Variants in FOXRED1 observed in about 807,000 individuals in gnomAD.
FOXRED1 encodes FAD dependent oxidoreductase domain containing 1.
In FOXRED1, 52 loss-of-function variants were observed where a neutral mutation model predicts 57.8. The ratio of observed to expected loss-of-function variants is 0.90; its 90% CI spans 0.72 to 1.13. The LOEUF is 1.13. FOXRED1 is among the 50% of genes most tolerant of loss of function. FOXRED1 has a pLI of 0.00. For missense variants in FOXRED1, 589 were observed against 625.2 expected (o/e 0.94, Z 0.62); for synonymous variants, 271 against 248.3 (o/e 1.09, Z -0.86).
At position 126,276,477 on chromosome 11, in the gene FOXRED1, G is replaced by A. The variant is rs138486791; in HGVS notation, c.1055G>A (p.Arg352Gln). ...GACACCAGTGGAGCCTATTTTCGCC[G>A]GGAAGGATTAGGTAGCAACTACCTA... ...VADTSGAYFR[R>Q]EGLGSNYLGG... The change falls in exon 9 of 11, where the codon CGG (arginine) becomes CAG (glutamine). Residue 352 changes from arginine (R) to glutamine (Q), a missense_variant. Coordinates refer to ENST00000263578, the MANE Select transcript of FOXRED1 (RefSeq NM_017547.4). 18 of 1,608,850 alleles carry A rather than the reference G, an allele frequency of 1.1e-5. No homozygotes were observed. The South Asian group carries it at 1.2e-4, about 11-fold the overall frequency.
At position 126,277,530 on chromosome 11, in the gene FOXRED1, T is replaced by G; in HGVS notation, c.1302T>G (p.Ala434=). 6.2e-7 allele frequency: 1 copy of G among 1,613,772 alleles called. No individual in the cohort carries two copies. The highest frequency in any genetic ancestry group is 8.5e-7 in the Non-Finnish European group (1 of 1,180,016). The change falls in exon 11 of 11, where the codon GCT becomes GCG. Residue 434 remains alanine (A), a synonymous_variant. Transcript: ENST00000263578. This position sits in a 1 kb window ranked among gnomAD's most constrained non-coding sequence, Gnocchi z 6.8. ...CGCTAGTTGTCAACATGTACTTTGC[T>G]ACTGGCTTCAGTGGTCACGGGCTCC... ...PHPLVVNMYF[A]TGFSGHGLQQ... is the part of the protein sequence containing the mutation.
At position 126,277,497 on chromosome 11, in the gene FOXRED1, C is replaced by T. The variant is rs1268156595; in HGVS notation, c.1269C>T (p.Gly423=). The change falls in exon 11 of 11, where the codon GGC becomes GGT. Residue 423 remains glycine, a synonymous_variant. Transcript: ENST00000263578. The surrounding 1 kb of genome is among the most constrained non-coding windows in gnomAD (Gnocchi z 6.8). Reference sequence around the variant, plus strand: ...CCTTTGACCAGAATGGCGTGGTGGGCCCCCACCCGCTAGTTGTCAACATGT... The same window carrying T: ...CCTTTGACCAGAATGGCGTGGTGGGTCCCCACCCGCTAGTTGTCAACATGT... The part of the protein sequence containing the change: ...YNTFDQNGVV[G]PHPLVVNMYF... The T allele has an allele frequency of 6.2e-7, 1 of 1,613,408 alleles. No homozygotes were observed. The highest frequency in any genetic ancestry group is 2.2e-5 in the East Asian group (1 of 44,872).
rs1951026938 is a variant in FOXRED1 at position 126,272,891 on chromosome 11, C to T, written c.307-78C>T. On this transcript the variant is annotated intron_variant, in intron 2 of 10. Coordinates refer to ENST00000263578, the MANE Select transcript of FOXRED1 (RefSeq NM_017547.4). This position sits in a 1 kb window ranked among gnomAD's most constrained non-coding sequence, Gnocchi z 4.6. ...CTCCCCTTCAACTTTAGGTGTATAGCTCGAAGCTTTCATTGCAGTATTCTA... is the reference window on the plus strand; with the variant it reads ...CTCCCCTTCAACTTTAGGTGTATAGTTCGAAGCTTTCATTGCAGTATTCTA... 1 of 809,748 alleles carries T rather than the reference C, an allele frequency of 1.2e-6. No homozygotes were observed. The highest frequency in any genetic ancestry group is 1.3e-5 in the South Asian group (1 of 74,434). The allele number at this position is 809,748 out of a possible 1,614,324, so 50.2% of individuals were successfully genotyped here. A position where few individuals can be genotyped will look rare whatever the true frequency, so the allele number is the denominator to read the frequency against.
At position 126,273,449 on chromosome 11, in the gene FOXRED1, G is replaced by A. The variant is rs1483526699; in HGVS notation, c.531G>A (p.Val177=). The change falls in exon 4 of 11, where the codon GTG becomes GTA. Residue 177 remains valine (V), a synonymous_variant. Coordinates refer to ENST00000263578, the MANE Select transcript of FOXRED1 (RefSeq NM_017547.4). This position sits in a 1 kb window ranked among gnomAD's most constrained non-coding sequence, Gnocchi z 5.9. ...DAAAMESNVK[V]QRQEGAKVSL... Reference sequence around the variant, plus strand: ...CAGCCATGGAGAGCAACGTGAAAGTGCAGAGGTGGGTGCCTGGCACAGCCT... The same window carrying A: ...CAGCCATGGAGAGCAACGTGAAAGTACAGAGGTGGGTGCCTGGCACAGCCT... 9 of 1,607,842 alleles carry A rather than the reference G, an allele frequency of 5.6e-6. No individual in the cohort carries two copies. Among genetic ancestry groups the A allele is most frequent in the Admixed American group, 1.7e-5 (1 of 59,998 alleles).
In FOXRED1 at chr11:126,275,145, G is replaced by A. The variant is rs1951094481; in HGVS notation, c.631+124G>A. On this transcript the variant is annotated intron_variant, in intron 5 of 10. Transcript: ENST00000263578. The surrounding 1 kb of genome is among the most constrained non-coding windows in gnomAD (Gnocchi z 5.9). The stretch of plus-strand genomic sequence containing the variant: ...GAGGAACACTTCCCTCCTGTGTCAC[G>A]GGAACTGCCCTGGGCCGTGGTAGTT... 2.4e-6 allele frequency: 2 copies of A among 826,486 alleles called. No homozygotes were observed. Among genetic ancestry groups the A allele is most frequent in the East Asian group, 5.2e-5 (2 of 38,574 alleles). The allele number at this position is 826,486 out of a possible 1,614,324, so 51.2% of individuals were successfully genotyped here.
In FOXRED1 at chr11:126,273,184, C is replaced by A; in HGVS notation, c.417+105C>A. 1.0e-6 allele frequency: 1 copy of A among 961,502 alleles called. No homozygotes were observed. The highest frequency in any genetic ancestry group is 1.7e-6 in the Non-Finnish European group (1 of 585,158). 59.6% of individuals were successfully genotyped at this position (961,502 alleles called of 1,614,324 possible). A position where few individuals can be genotyped will look rare whatever the true frequency, so the allele number is the denominator to read the frequency against. ...TAGCCAGAGAGCAAGAATGGGTCAG[C>A]CAACTAGGAGAGGGGGGCCCTGGCC... On this transcript the variant is annotated intron_variant, in intron 3 of 10. Transcript: ENST00000263578. This position sits in a 1 kb window ranked among gnomAD's most constrained non-coding sequence, Gnocchi z 5.9.
Position 126,275,019 on chromosome 11 carries a change from A to G in FOXRED1, c.629A>G (p.Tyr210Cys). Reference sequence around the variant, plus strand: ...ACAGAGGGAGTGGCTTTGGCGTCTTATGGTGAGGCTTGCTTGCAGAGGGGA... The same window carrying G: ...ACAGAGGGAGTGGCTTTGGCGTCTTGTGGTGAGGCTTGCTTGCAGAGGGGA... ...INTEGVALAS[Y>C]GMEDEGWFDP... The change falls in exon 5 of 11, where the codon TAT becomes TGT. Residue 210 changes from tyrosine to cysteine, a missense_variant and splice_region_variant. By Grantham distance (194) the Tyr-to-Cys change is radical. Transcript: ENST00000263578. This position sits in a 1 kb window ranked among gnomAD's most constrained non-coding sequence, Gnocchi z 5.9. 1 of 1,605,340 alleles carries G rather than the reference A, an allele frequency of 6.2e-7. No homozygotes were observed. Among genetic ancestry groups the G allele is most frequent in the Non-Finnish European group, 8.5e-7 (1 of 1,172,002 alleles).
Position 126,271,836 on chromosome 11 carries a change from C to G in FOXRED1, c.306+179C>G. The G allele has an allele frequency of 1.6e-6, 1 of 640,464 alleles. No homozygotes were observed. Among genetic ancestry groups the G allele is most frequent in the Non-Finnish European group, 2.8e-6 (1 of 353,988 alleles). 39.7% of individuals were successfully genotyped at this position (640,464 alleles called of 1,614,324 possible). On this transcript the variant is annotated intron_variant, in intron 2 of 10. Transcript: ENST00000263578. The surrounding 1 kb of genome is among the most constrained non-coding windows in gnomAD (Gnocchi z 5.3). ...TTTCCTAGGATCTTCCTCAGTCGAACCAGGAAGCTTGGCAATAAGGTTTGT... is the reference window on the plus strand; with the variant it reads ...TTTCCTAGGATCTTCCTCAGTCGAAGCAGGAAGCTTGGCAATAAGGTTTGT...
Position 126,275,443 on chromosome 11 carries a change from G to A in FOXRED1, c.733+15G>A, listed in dbSNP as rs781587260. ...AGAGGTGACACGTGAGTCTGAGCTT[G>A]TTTCCTCTAGCAACCGGGGCATAGG... is the stretch of plus-strand genomic sequence containing the variant. On this transcript the variant is annotated intron_variant, in intron 6 of 10. Coordinates refer to ENST00000263578, the MANE Select transcript of FOXRED1 (RefSeq NM_017547.4). This position sits in a 1 kb window ranked among gnomAD's most constrained non-coding sequence, Gnocchi z 5.9. 1.9e-5 allele frequency: 29 copies of A among 1,547,010 alleles called. No homozygotes were observed. In the Middle Eastern group the frequency reaches 5.1e-4, roughly 27 times the overall value.
At position 126,269,341 on chromosome 11, in the gene FOXRED1, C is replaced by G. The variant is rs776915158; in HGVS notation, c.85+50C>G. 2.5e-6 allele frequency: 4 copies of G among 1,613,690 alleles called. No individual in the cohort carries two copies. In the Admixed American group the frequency reaches 6.7e-5, roughly 27 times the overall value. On this transcript the variant is annotated intron_variant, in intron 1 of 10. Transcript: ENST00000263578. ...ATTGTGGTTCTGGGTTGTCCCCAAC[C>G]TCCGACTGTGTGTCCTTCAGGACCC...
rs546801411 is a variant in FOXRED1, at chr11:126,276,100, C to A, written c.852C>A (p.Cys284Ter). The A allele has an allele frequency of 1.2e-6, 2 of 1,612,778 alleles. No homozygotes were observed. The highest frequency in any genetic ancestry group is 1.7e-5 in the Admixed American group (1 of 59,994). The change falls in exon 8 of 11, where the codon TGC becomes TGA. Residue 284 changes from cysteine (C) to a stop codon, truncating the protein, a stop_gained. Coordinates refer to ENST00000263578, the MANE Select transcript of FOXRED1 (RefSeq NM_017547.4). LOFTEE classifies it high-confidence loss of function. Reference protein sequence around the residue: ...DRSLEYQPVECAIVINAAGAW... With the variant: ...DRSLEYQPVE ...GCCTGGAGTACCAGCCTGTGGAATG[C>A]GCCATTGTGATCAACGCAGCCGGAG... is the stretch of plus-strand genomic sequence containing the variant.
At position 126,277,517 on chromosome 11, in the gene FOXRED1, A is replaced by C. The variant is rs267606830; in HGVS notation, c.1289A>C (p.Asn430Thr). The C allele has an allele frequency of 6.2e-7, 1 of 1,613,730 alleles. No individual in the cohort carries two copies. The highest frequency in any genetic ancestry group is 2.2e-5 in the East Asian group (1 of 44,880). The change falls in exon 11 of 11, where the codon AAC becomes ACC. Residue 430 changes from asparagine (N) to threonine (T), a missense_variant. Physicochemically the swap from Asn to Thr is moderately conservative, Grantham distance 65. Coordinates refer to ENST00000263578, the MANE Select transcript of FOXRED1 (RefSeq NM_017547.4). This position sits in a 1 kb window ranked among gnomAD's most constrained non-coding sequence, Gnocchi z 6.8. ...GVVGPHPLVV[N>T]MYFATGFSGH... ...GTGGGCCCCCACCCGCTAGTTGTCA[A>C]CATGTACTTTGCTACTGGCTTCAGT...
chr11:126,269,365 C>G (rs754729021), intron 1 of FOXRED1, 74 bp downstream of exon 1: 24 of 1,612,038 alleles, frequency 1.5e-5, no homozygotes, highest in Non-Finnish European at 1.8e-5. Context: ...CCTTCAGGAC[C>G]CGAAACCATG....
chr11:126,273,281 A>G lies in FOXRED1; in HGVS notation c.418-55A>G, dbSNP rs1431623132. On this transcript the variant is annotated intron_variant, in intron 3 of 10. Transcript: ENST00000263578. The surrounding 1 kb of genome is among the most constrained non-coding windows in gnomAD (Gnocchi z 5.9). ...AGCTGTGGGGGAAGAAGGCAGGAAA[A>G]CTCTTTCTGGCATCCTTAAGTCAGT... 7.3e-7 allele frequency: 1 copy of G among 1,375,416 alleles called. No homozygotes were observed. Among genetic ancestry groups the G allele is most frequent in the Non-Finnish European group, 1.0e-6 (1 of 962,908 alleles). The allele number at this position is 1,375,416 out of a possible 1,614,324, so 85.2% of individuals were successfully genotyped here.
Position 126,275,747 on chromosome 11 carries a change from T to G in FOXRED1, c.734-47T>G, listed in dbSNP as rs745398904. On this transcript the variant is annotated intron_variant, in intron 6 of 10. Transcript: ENST00000263578. This position sits in a 1 kb window ranked among gnomAD's most constrained non-coding sequence, Gnocchi z 5.9. The stretch of plus-strand genomic sequence containing the variant: ...GAAACCAGTGAAATCCCCATTTCAT[T>G]CCTCTTCAGCACCTCTACGGCCTAT... 1.6e-5 allele frequency: 20 copies of G among 1,273,260 alleles called. No homozygotes were observed. In the Admixed American group the frequency reaches 3.4e-4, roughly 21 times the overall value. The allele number at this position is 1,273,260 out of a possible 1,614,324, so 78.9% of individuals were successfully genotyped here.
Position 126,278,120 on chromosome 11 carries a change from C to T in FOXRED1, c.*431C>T. ...TCCATTAATCAATACATGTAATTAA[C>T]TCCTTCCCTCCAGTCTTCTGTCTCT... On this transcript the variant is annotated 3_prime_UTR_variant, in exon 11 of 11. Coordinates refer to ENST00000263578, the MANE Select transcript of FOXRED1 (RefSeq NM_017547.4). This position sits in a 1 kb window ranked among gnomAD's most constrained non-coding sequence, Gnocchi z 4.8. 2 of 460,166 alleles carry T rather than the reference C, an allele frequency of 4.3e-6. No individual in the cohort carries two copies. Among genetic ancestry groups the T allele is most frequent in the Non-Finnish European group, 8.7e-6 (2 of 231,150 alleles). The allele number at this position is 460,166 out of a possible 1,614,324, so 28.5% of individuals were successfully genotyped here. A position where few individuals can be genotyped will look rare whatever the true frequency, so the allele number is the denominator to read the frequency against.
At chr11:126,276,022 C>A in intron 7 of FOXRED1, 37 bp from the exon 8 acceptor site, 1 of 1,612,358 alleles carries the variant, frequency 6.2e-7, no homozygotes, top group South Asian at 1.1e-5. Flanking sequence ...GGTGTGTGGT[C>A]CGGGCCTTCC....
intron 8 of FOXRED1, 27 bp from the exon 9 acceptor site, chr11:126,276,367 A>T (rs775689348): frequency 1.9e-6 from 2 of 1,026,320 alleles, no homozygotes; most frequent in Non-Finnish European, 1.2e-6. Context: ...CTGTTTCTGC[A>T]GTTCGTAACC....
Position 126,277,085 on chromosome 11 carries a change from C to G in FOXRED1, c.1116C>G (p.Asp372Glu), listed in dbSNP as rs763686095. The change falls in exon 10 of 11, where the codon GAC becomes GAG. Residue 372 changes from aspartate to glutamate, a missense_variant. Transcript: ENST00000263578. This position sits in a 1 kb window ranked among gnomAD's most constrained non-coding sequence, Gnocchi z 6.8. Reference protein sequence around the residue: ...GRSPTEQEEPDPANLEVDHDF... With the variant: ...GRSPTEQEEPEPANLEVDHDF... Reference sequence around the variant, plus strand: ...TCTCACTCCAGCAGGAAGAACCGGACCCGGCGAACCTGGAAGTGGACCATG... The same window carrying G: ...TCTCACTCCAGCAGGAAGAACCGGAGCCGGCGAACCTGGAAGTGGACCATG... 1.9e-6 allele frequency: 3 copies of G among 1,612,202 alleles called. No homozygotes were observed. Among genetic ancestry groups the G allele is most frequent in the Non-Finnish European group, 2.5e-6 (3 of 1,178,702 alleles).
Sources: allele counts gnomAD v4.1 joint callset, GRCh38; gene constraint gnomAD v4.1.1; non-coding constraint Gnocchi (gnomAD v3.1); transcripts MANE v1.5; gene names NCBI Gene and HGNC (gene_info 2026-07-23, HGNC 2026-07-21).